Variants in ERGIC3 observed in about 807,000 individuals in gnomAD.
ERGIC3 encodes the protein endoplasmic reticulum-Golgi intermediate compartment protein 3.
ERGIC3 carries 33 observed loss-of-function variants against 54.7 expected under a neutral mutation model. The ratio of observed to expected loss-of-function variants is 0.60; its 90% CI spans 0.46 to 0.81. ERGIC3 has a LOEUF of 0.81. Ranked by LOEUF, ERGIC3 falls within the 30% of genes least tolerant of loss-of-function variation. The probability of loss-of-function intolerance (pLI) is 0.00; values close to 1 mark genes in which losing one functional copy is unlikely to be tolerated. For synonymous variants in ERGIC3, 186 were observed against 189.8 expected, an observed-to-expected ratio of 0.98 and a Z score of 0.16; for missense variants, 399 against 488.4, an observed-to-expected ratio of 0.82 and a Z score of 1.73.
chr20:35,550,548 G>A (rs1251796967), intron 7 of ERGIC3, among the ~76,000 whole-genome samples: 7 of 152,156 alleles, frequency 4.6e-5, no homozygotes, highest in African/African-American at 1.7e-4. Flanking sequence ...CCTGGGAGGT[G>A]GAGGTTGCAG....
chr20:35,557,584 C>G lies in ERGIC3; in HGVS notation c.*80C>G. ...CAGCCTCTGCCACCCTCCACCTCCT[C>G]GGTCAGCCCCAGCCCCAGGTTGATA... On this transcript the variant is annotated 3_prime_UTR_variant, in exon 13 of 13. Transcript: ENST00000348547. 8.4e-7 allele frequency: 1 copy of G among 1,192,222 alleles called. No homozygotes were observed. The highest frequency in any genetic ancestry group is 1.2e-6 in the Non-Finnish European group (1 of 803,000). The allele number at this position is 1,192,222 out of a possible 1,614,324, so 73.9% of individuals were successfully genotyped here.
chr20:35,548,584 TG>T lies in ERGIC3; in HGVS notation c.538del (p.Glu180SerfsTer63), dbSNP rs1451256615. On this transcript the variant is annotated frameshift_variant, in exon 6 of 13. Transcript: ENST00000348547. LOFTEE classifies it high-confidence loss of function. ...GGGCCTTCAAGAACCCAGATACTAT[TG>T]AGCAGTGCCGGCGAGAGGGCTTCAG... is the stretch of plus-strand genomic sequence containing the variant. Reference protein sequence around the residue: ...GWAFKNPDTIEQCRREGFSQK... With the variant: ...GWAFKNPDTIXQCRREGFSQK... 1 of 1,614,210 alleles carries T rather than the reference TG, an allele frequency of 6.2e-7. No individual in the cohort carries two copies. The highest frequency in any genetic ancestry group is 1.7e-5 in the Admixed American group (1 of 60,018).
intron 7 of ERGIC3, among the ~76,000 whole-genome samples, chr20:35,553,020 A>AATTTTTTTTTT (rs2064689668): frequency 1.2e-4 from 5 of 41,562 alleles, no homozygotes; most frequent in African/African-American, 4.1e-4. Flanking sequence ...AAAGCTGGGG[A>AATTTTTTTTTT]TTTTTTTTTT....
At position 35,557,490 on chromosome 20, in the gene ERGIC3, G is replaced by A; in HGVS notation, c.1138G>A (p.Gly380Arg). The change falls in exon 13 of 13, where the codon GGG (glycine) becomes AGG (arginine). Residue 380 changes from glycine to arginine, a missense_variant. Gly to Arg is a moderately radical substitution (Grantham distance 125). Coordinates refer to ENST00000348547, the MANE Select transcript of ERGIC3 (RefSeq NM_015966.3). ...AGCCATCCAGAAGAAAATTGATCTAGGGAAGACAACGTAGTCACCCTCGGT... is the reference window on the plus strand; with the variant it reads ...AGCCATCCAGAAGAAAATTGATCTAAGGAAGACAACGTAGTCACCCTCGGT... ...ARAIQKKIDL[G>R]KTT is the part of the protein sequence containing the mutation. 6.2e-7 allele frequency: 1 copy of A among 1,614,088 alleles called. No individual in the cohort carries two copies. The highest frequency in any genetic ancestry group is 1.6e-4 in the Middle Eastern group (1 of 6,062).
Position 35,542,094 on chromosome 20 carries a change from C to G in ERGIC3, c.-4C>G, listed in dbSNP as rs909405653. 7 of 1,534,110 alleles carry G rather than the reference C, an allele frequency of 4.6e-6. No homozygotes were observed. The highest frequency in any genetic ancestry group is 4.1e-5 in the African/African-American group (3 of 72,420). On this transcript the variant is annotated 5_prime_UTR_variant, in exon 1 of 13. Coordinates refer to ENST00000348547, the MANE Select transcript of ERGIC3 (RefSeq NM_015966.3). ...GGCTGGCGTCCCCTTTCCGGCCGGT[C>G]CCCATGGAGGCGCTGGGGAAGCTGA... is the stretch of plus-strand genomic sequence containing the variant.
intron 7 of ERGIC3, chr20:35,549,614 A>G (rs2064670764): frequency 5.9e-6 from 1 of 169,222 alleles, no homozygotes; most frequent in Non-Finnish European, 1.3e-5. Context: ...GATGGGTATT[A>G]CATGCATTTT....
chr20:35,557,411 T>C lies in ERGIC3; in HGVS notation c.1073-14T>C. 2.5e-6 allele frequency: 4 copies of C among 1,613,882 alleles called. No individual in the cohort carries two copies. Among genetic ancestry groups the C allele is most frequent in the Non-Finnish European group, 2.5e-6 (3 of 1,179,854 alleles). On this transcript the variant is annotated splice_polypyrimidine_tract_variant and intron_variant, in intron 12 of 12. Coordinates refer to ENST00000348547, the MANE Select transcript of ERGIC3 (RefSeq NM_015966.3). ...CCCCCACTGGGCCAGTGCCAGCCCT[T>C]GTCTCTCTCCCAGTGGCTGGACTCA...
At chr20:35,551,777 A>C (rs1297030946) in intron 7 of ERGIC3, among the ~76,000 whole-genome samples, 1 of 152,222 alleles carries the variant, frequency 6.6e-6, no homozygotes, top group Non-Finnish European at 1.5e-5. Context: ...TGGCATGTAC[A>C]TGCAACAGTC....
Position 35,542,917 on chromosome 20 carries a change from G to C in ERGIC3, c.343G>C (p.Val115Leu). 1.9e-6 allele frequency: 3 copies of C among 1,614,066 alleles called. No homozygotes were observed. The highest frequency in any genetic ancestry group is 2.5e-6 in the Non-Finnish European group (3 of 1,180,000). Reference protein sequence around the residue: ...KQRLDKDGIPVSSEAERHELG... With the variant: ...KQRLDKDGIPLSSEAERHELG... ...ACGACTAGATAAAGATGGCATCCCC[G>C]TGAGCTCAGAGGCTGAGCGGCATGG... Residue 115 changes from valine to leucine, a missense_variant, in exon 4 of 13, where the codon GTG becomes CTG. Transcript: ENST00000348547.
Position 35,556,285 on chromosome 20 carries a change from C to A in ERGIC3, c.879+14C>A. The stretch of plus-strand genomic sequence containing the variant: ...GTGGACGGAGAGGTGAGTCAGGGAG[C>A]TCCCTACCAGAGTCTCCTGCGCGGT... On this transcript the variant is annotated intron_variant, in intron 10 of 12. Coordinates refer to ENST00000348547, the MANE Select transcript of ERGIC3 (RefSeq NM_015966.3). The A allele has an allele frequency of 6.2e-7, 1 of 1,613,872 alleles. No individual in the cohort carries two copies. The highest frequency in any genetic ancestry group is 1.1e-5 in the South Asian group (1 of 91,078).
At position 35,555,827 on chromosome 20, in the gene ERGIC3, A is replaced by G. The variant is rs1039023834; in HGVS notation, c.718-206A>G. ...GACCTTGTCTCAAAAAAAAAAAAAA[A>G]AAAGAAAAATCTGGAACCCCAGGAG... On this transcript the variant is annotated intron_variant, in intron 8 of 12. Coordinates refer to ENST00000348547, the MANE Select transcript of ERGIC3 (RefSeq NM_015966.3). 4.6e-5 allele frequency among the ~76,000 whole-genome samples: 7 copies of G among 151,724 alleles called. No homozygotes were observed. The East Asian group carries it at 5.8e-4, about 13-fold the overall frequency.
chr20:35,550,729 C>T (rs2147307433), intron 7 of ERGIC3, among the ~76,000 whole-genome samples: 1 of 152,182 alleles, frequency 6.6e-6, no homozygotes, highest in African/African-American at 2.4e-5. Flanking sequence ...ATTGTAGGGC[C>T]CTGAAGAAGG....
In ERGIC3 at chr20:35,542,125, T is replaced by C. The variant is rs2064614995; in HGVS notation, c.28T>C (p.Phe10Leu). The C allele has an allele frequency of 6.4e-7, 1 of 1,563,548 alleles. No individual in the cohort carries two copies. The highest frequency in any genetic ancestry group is 1.9e-5 in the Admixed American group (1 of 52,384). MEALGKLKQ[F>L]DAYPKTLEDF... ...GGAGGCGCTGGGGAAGCTGAAGCAG[T>C]TCGATGCCTACCCCAAGACTTTGGA... The change falls in exon 1 of 13, where the codon TTC (phenylalanine) becomes CTC (leucine). Residue 10 changes from phenylalanine to leucine, a missense_variant. By Grantham distance (22) the Phe-to-Leu change is conservative. Coordinates refer to ENST00000348547, the MANE Select transcript of ERGIC3 (RefSeq NM_015966.3).
At chr20:35,550,199 G>A (rs1170989470) in intron 7 of ERGIC3, among the ~76,000 whole-genome samples, 1 of 151,944 alleles carries the variant, frequency 6.6e-6, no homozygotes, top group African/African-American at 2.4e-5. Context: ...TGGATGTCTG[G>A]GGAGGAAGTG....
Position 35,553,020 on chromosome 20 carries a change from ATTTTTT to A in ERGIC3, c.686-2001_686-1996del, listed in dbSNP as rs141438822. On this transcript the variant is annotated intron_variant, in intron 7 of 12. Transcript: ENST00000348547. ...TTTGCCCTGAGCTTCAAAGCTGGGG[ATTTTTT>A]TTTTTTTTTTTTTTTTTTTTTTGAG... 1.1e-3 allele frequency among the ~76,000 whole-genome samples: 47 copies of A among 41,560 alleles called. 1 individual carries two copies. Among genetic ancestry groups the A allele is most frequent in the African/African-American group, 3.0e-3 (36 of 12,088 alleles). The allele number at this position is 41,560 out of a possible 152,430, so 27.3% of individuals were successfully genotyped here.
At chr20:35,554,508 C>G in intron 7 of ERGIC3, 1 of 1,053,140 alleles carries the variant, frequency 9.5e-7, no homozygotes, top group Admixed American at 1.9e-5. Context: ...TGCTGGGTGA[C>G]TGTAAAAGGT....
intron 5 of ERGIC3, among the ~76,000 whole-genome samples, 172 bp from the exon 6 acceptor site, chr20:35,548,333 AAAAG>A (rs1406689104): frequency 1.3e-5 from 2 of 152,172 alleles, no homozygotes; most frequent in Non-Finnish European, 2.9e-5. Flanking sequence ...AAAAATTAAA[AAAAG>A]AAAACAGTCC....
At chr20:35,543,138 AT>A (rs2064627131) in intron 4 of ERGIC3, 197 bp downstream of exon 4, 1 of 605,080 alleles carries the variant, frequency 1.7e-6, no homozygotes, top group Non-Finnish European at 2.8e-6. Context: ...GAGTCAGGTA[AT>A]CTACCTGGCT....
At chr20:35,551,727 C>T (rs2064682934) in intron 7 of ERGIC3, among the ~76,000 whole-genome samples, 1 of 152,188 alleles carries the variant, frequency 6.6e-6, no homozygotes, top group Admixed American at 6.5e-5. Flanking sequence ...GTTTCAAATA[C>T]CACATCAGAT....
Sources: allele counts gnomAD v4.1 joint callset (sites outside exome capture counted in the v4.1 genomes callset), GRCh38; gene constraint gnomAD v4.1.1; transcripts MANE v1.5; gene names NCBI Gene and HGNC (gene_info 2026-07-23, HGNC 2026-07-21).